Variants in CATSPERT observed in about 807,000 individuals in gnomAD.
CATSPERT encodes catsper channel auxiliary subunit tau, also known as cation channel sperm-associated targeting subunit tau.
the CATSPERT span, among the ~76,000 whole-genome samples, chr2:201,505,190 C>G: frequency 9.9e-5 from 15 of 152,160 alleles, no homozygotes; most frequent in Admixed American, 4.6e-4. Context: ...ACCTCCACCC[C>G]CTGGGTTCAA....
At chr2:201,603,909 T>C in the CATSPERT span, among the ~76,000 whole-genome samples, 9,114 of 152,292 alleles carry the variant, frequency 0.06, 373 homozygotes, top group Middle Eastern at 0.095. Context: ...AATATTATAT[T>C]AAACATTGTA....
At chr2:201,568,899 A>G in the CATSPERT span, among the ~76,000 whole-genome samples, 2 of 152,162 alleles carry the variant, frequency 1.3e-5, no homozygotes, top group Admixed American at 1.3e-4. Context: ...GGAAATAACC[A>G]CTGGATATGT....
the CATSPERT span, among the ~76,000 whole-genome samples, chr2:201,526,496 C>T: frequency 7.8e-4 from 118 of 152,190 alleles, 1 homozygote; most frequent in African/African-American, 1.3e-3. Flanking sequence ...ACAGCCTGAA[C>T]GACAAAGCAA....
the CATSPERT span, among the ~76,000 whole-genome samples, chr2:201,556,380 G>A: frequency 6.6e-6 from 1 of 152,056 alleles, no homozygotes; most frequent in Non-Finnish European, 1.5e-5. Context: ...GTGGTGGCGG[G>A]CGCCTGTAGT....
the CATSPERT span, chr2:201,549,954 T>C: frequency 6.6e-6 from 1 of 152,158 alleles, no homozygotes; most frequent in Non-Finnish European, 1.5e-5. Flanking sequence ...GGTATAAATA[T>C]ACAGACTACA....
At chr2:201,520,587 A>G in the CATSPERT span, among the ~76,000 whole-genome samples, 2 of 152,240 alleles carry the variant, frequency 1.3e-5, no homozygotes, top group Admixed American at 1.3e-4. Flanking sequence ...AAAGAAATTA[A>G]GGATTAAAGT....
At chr2:201,595,275 G>A in the CATSPERT span, among the ~76,000 whole-genome samples, 4 of 148,870 alleles carry the variant, frequency 2.7e-5, no homozygotes, top group African/African-American at 7.4e-5. Flanking sequence ...TGCAAGCTCC[G>A]CCTCCCGGGT....
the CATSPERT span, among the ~76,000 whole-genome samples, chr2:201,578,323 A>G: frequency 6.6e-6 from 1 of 152,142 alleles, no homozygotes; most frequent in African/African-American, 2.4e-5. Context: ...ACCTTGCATT[A>G]TAAAAGTCCT....
chr2:201,518,960 A>G, the CATSPERT span, among the ~76,000 whole-genome samples: 2 of 152,200 alleles, frequency 1.3e-5, no homozygotes, highest in Non-Finnish European at 2.9e-5. Context: ...GACTCTTCCA[A>G]TCATTCTGAT....
chr2:201,503,017 C>T, the CATSPERT span, among the ~76,000 whole-genome samples: 1 of 151,550 alleles, frequency 6.6e-6, no homozygotes, highest in African/African-American at 2.4e-5. Context: ...GTTACTATTT[C>T]AGATATTTTT....
At chr2:201,493,547 C>T in the CATSPERT span, 1 of 1,536,920 alleles carries the variant, frequency 6.5e-7, no homozygotes, top group South Asian at 1.2e-5. Flanking sequence ...ATAGGAAATG[C>T]TTGTATTATC....
chr2:201,604,647 T>G, the CATSPERT span: 2 of 1,605,226 alleles, frequency 1.2e-6, no homozygotes, highest in Non-Finnish European at 1.7e-6. Flanking sequence ...GCGTCTCCTG[T>G]GTTATTTCCA....
At chr2:201,487,995 G>A in the CATSPERT span, 25 of 1,016,396 alleles carry the variant, frequency 2.5e-5, no homozygotes, top group African/African-American at 4.9e-5. Context: ...ATGGTCAAAA[G>A]AAAAAAGAAA....
chr2:201,529,916 C>T, the CATSPERT span, among the ~76,000 whole-genome samples: 2 of 151,990 alleles, frequency 1.3e-5, no homozygotes, highest in Admixed American at 6.5e-5. Context: ...AGCAAGAAAA[C>T]AAATAACCTA....
chr2:201,493,126 A>T, the CATSPERT span: 4 of 1,526,464 alleles, frequency 2.6e-6, no homozygotes, highest in Non-Finnish European at 1.8e-6. Flanking sequence ...GATGTTTTTT[A>T]AAAAGGATTT....
the CATSPERT span, chr2:201,491,280 T>C: frequency 1.3e-6 from 2 of 1,537,944 alleles, no homozygotes; most frequent in Non-Finnish European, 8.7e-7. Flanking sequence ...TCTTGTTAAA[T>C]GACTTTTTTG....
chr2:201,601,809 C>T, the CATSPERT span: 2 of 1,612,008 alleles, frequency 1.2e-6, no homozygotes, highest in East Asian at 4.5e-5. Flanking sequence ...GGATAGCAAG[C>T]TACACATTTT....
chr2:201,584,997 ACTTCT>A, the CATSPERT span, among the ~76,000 whole-genome samples: 1 of 152,286 alleles, frequency 6.6e-6, no homozygotes, highest in East Asian at 1.9e-4. Flanking sequence ...CTGACAAGTG[ACTTCT>A]CTTCAACAAA....
the CATSPERT span, among the ~76,000 whole-genome samples, chr2:201,606,066 G>A: frequency 6.6e-6 from 1 of 152,178 alleles, no homozygotes; most frequent in African/African-American, 2.4e-5. Context: ...GAGAAAAATG[G>A]TTGAATTGGA....
Sources: gnomAD v4.1 joint callset for allele counts (sites outside exome capture counted in the v4.1 genomes callset) on GRCh38, gnomAD v4.1.1 for gene constraint, MANE v1.5 for transcripts, NCBI Gene and HGNC (gene_info 2026-07-23, HGNC 2026-07-21) for gene names.